XRRA1: variants seen among roughly 807,000 people sequenced by gnomAD.
XRRA1 encodes the protein X-ray radiation resistance associated 1.
A neutral mutation model predicts 80.2 loss-of-function variants in XRRA1; 69 were observed. The observed-to-expected ratio is 0.86, with a 90% CI of 0.71 to 1.05. XRRA1 has a LOEUF of 1.05. Among genes scored for constraint, XRRA1 ranks in the 50% least tolerant of loss-of-function variants. The pLI, the probability that XRRA1 is intolerant of heterozygous loss-of-function variation, is 0.00. For synonymous variants in XRRA1, 348 were observed against 389.9 expected (o/e 0.89, Z 1.27); for missense variants, 967 against 976.4 (o/e 0.99, Z 0.13).
intron 10 of XRRA1, among the ~76,000 whole-genome samples, chr11:74,875,011 G>A (rs2045734752): frequency 1.3e-5 from 2 of 152,198 alleles, no homozygotes; most frequent in African/African-American, 4.8e-5. Flanking sequence ...TTAAGCAAGG[G>A]AAAGGTAGCT....
At chr11:74,885,474 A>G (rs991124173) in intron 10 of XRRA1, among the ~76,000 whole-genome samples, 4 of 152,210 alleles carry the variant, frequency 2.6e-5, no homozygotes, top group Non-Finnish European at 5.9e-5. Flanking sequence ...CCTAGAAGAA[A>G]TGGATAAATC....
chr11:74,938,328 T>C (rs1945521694), intron 3 of XRRA1, among the ~76,000 whole-genome samples: 1 of 152,214 alleles, frequency 6.6e-6, no homozygotes, highest in Admixed American at 6.5e-5. Context: ...TGCCCCCATC[T>C]GGGGCATGAA....
Position 74,863,240 on chromosome 11 carries a change from A to C in XRRA1, c.1004-219T>G, listed in dbSNP as rs1031418261. The C allele has an allele frequency of 1.5e-4, 90 of 583,562 alleles. No homozygotes were observed. In the African/African-American group the frequency reaches 1.7e-3, roughly 11 times the overall value. 36.1% of individuals were successfully genotyped at this position (583,562 alleles called of 1,614,324 possible). A position where few individuals can be genotyped will look rare whatever the true frequency, so the allele number is the denominator to read the frequency against. On this transcript the variant is annotated intron_variant, in intron 10 of 18. Coordinates refer to ENST00000684022, the MANE Select transcript of XRRA1 (RefSeq NM_001378157.1). ...ACTTAGGATAAAATACAAACTGCTT[A>C]TCTAGTCCTCTGATGTCCTGCATGA...
At chr11:74,915,384 A>G (rs1332668976) in intron 8 of XRRA1, among the ~76,000 whole-genome samples, 2 of 152,172 alleles carry the variant, frequency 1.3e-5, no homozygotes, top group Non-Finnish European at 2.9e-5. Flanking sequence ...GAGACTCTCA[A>G]TGGTCAGGAA....
At position 74,948,936 on chromosome 11, in the gene XRRA1, G is replaced by A. The variant is rs1218110705; in HGVS notation, c.-81C>T. The A allele has an allele frequency of 1.0e-5, 2 of 193,426 alleles. No homozygotes were observed. The highest frequency in any genetic ancestry group is 2.1e-5 in the Non-Finnish European group (2 of 93,250). The allele number at this position is 193,426 out of a possible 1,614,324, so 12.0% of individuals were successfully genotyped here. ...CTAAGTTTCAGTCGCACCTGCCTCC[G>A]GCGTCGCTTCAGCCTCCGAGGGGTC... On this transcript the variant is annotated 5_prime_UTR_variant, in exon 1 of 19. Transcript: ENST00000684022.
chr11:74,844,062 G>A (rs2037277251), intron 17 of XRRA1, 103 bp from the exon 18 acceptor site: 23 of 1,458,158 alleles, frequency 1.6e-5, no homozygotes, highest in South Asian at 5.9e-5. Flanking sequence ...GCATCTGGGG[G>A]TGCTGGGAAA....
chr11:74,904,795 T>A (rs1296517184), intron 10 of XRRA1, among the ~76,000 whole-genome samples: 4 of 151,612 alleles, frequency 2.6e-5, no homozygotes, highest in African/African-American at 9.7e-5. Context: ...ACCAAAATTA[T>A]TTATCTACCT....
intron 12 of XRRA1, among the ~76,000 whole-genome samples, chr11:74,857,137 T>C (rs908050753): frequency 6.6e-6 from 1 of 152,010 alleles, no homozygotes; most frequent in African/African-American, 2.4e-5. Flanking sequence ...CATGTGGAGA[T>C]AAACTTCTCT....
At chr11:74,916,876 G>C (rs1474354519) in intron 8 of XRRA1, among the ~76,000 whole-genome samples, 1 of 152,170 alleles carries the variant, frequency 6.6e-6, no homozygotes. Context: ...ATGTGTAAAT[G>C]TAAGTTCTTC....
At chr11:74,858,343 A>G (rs74746159) in intron 12 of XRRA1, among the ~76,000 whole-genome samples, 1,945 of 152,356 alleles carry the variant, frequency 0.013, 49 homozygotes, top group African/African-American at 0.044. Flanking sequence ...GGATATCCAC[A>G]TGCAAAAGAA....
At chr11:74,874,817 C>A (rs1439745042) in intron 10 of XRRA1, among the ~76,000 whole-genome samples, 1 of 152,060 alleles carries the variant, frequency 6.6e-6, no homozygotes. Context: ...GGGAAGCTCT[C>A]AGGGAAACTT....
intron 12 of XRRA1, among the ~76,000 whole-genome samples, chr11:74,854,075 A>G (rs2040517505): frequency 6.6e-6 from 1 of 152,220 alleles, no homozygotes; most frequent in Admixed American, 6.5e-5. Context: ...TGGAAGATGA[A>G]GCTATTCACT....
At chr11:74,849,675 G>A (rs1291191603) in intron 14 of XRRA1, among the ~76,000 whole-genome samples, 2 of 152,180 alleles carry the variant, frequency 1.3e-5, no homozygotes, top group Non-Finnish European at 2.9e-5. Context: ...CCCTCCCAAG[G>A]GAGGAATGGG....
chr11:74,841,046 T>C lies in XRRA1; in HGVS notation c.*2154A>G, dbSNP rs2036458357. 6.6e-6 allele frequency: 1 copy of C among 152,112 alleles called. No homozygotes were observed. The highest frequency in any genetic ancestry group is 1.9e-4 in the East Asian group (1 of 5,196). The allele number at this position is 152,112 out of a possible 1,614,324, so 9.4% of individuals were successfully genotyped here. The stretch of plus-strand genomic sequence containing the variant: ...GCTCAGGTAGAGAAAGTCTCCATAG[T>C]ATAAGTAAGTAATATGAATGTGGAA... On this transcript the variant is annotated 3_prime_UTR_variant, in exon 19 of 19. Coordinates refer to ENST00000684022, the MANE Select transcript of XRRA1 (RefSeq NM_001378157.1).
chr11:74,920,655 A>G (rs984829386), intron 8 of XRRA1, among the ~76,000 whole-genome samples: 5 of 152,216 alleles, frequency 3.3e-5, no homozygotes, highest in Non-Finnish European at 5.9e-5. Flanking sequence ...GTTACCAACT[A>G]GCTTTGCAAC....
rs35763136 is a variant in XRRA1, at chr11:74,918,299, A to AGTGTGTGTGTGT, written c.656+2903_656+2914dup. Among the ~76,000 whole-genome samples the AGTGTGTGTGTGT allele has an allele frequency of 9.4e-3, 1,417 of 150,140 alleles. 16 individuals carry two copies. The highest frequency in any genetic ancestry group is 0.03 in the South Asian group (143 of 4,710). ...TTCGTGTGCATTTTCTTCCTTCCTT[A>AGTGTGTGTGTGT]GTGTGTGTGTGTGTGTGTGTGTGTG... On this transcript the variant is annotated intron_variant, in intron 8 of 18. Transcript: ENST00000684022.
rs60520529 is a variant in XRRA1, at chr11:74,930,391, G to GAAA, written c.352-22_352-20dup. 1.3e-5 allele frequency: 16 copies of GAAA among 1,272,038 alleles called. No homozygotes were observed. The highest frequency in any genetic ancestry group is 4.3e-5 in the South Asian group (3 of 69,232). The allele number at this position is 1,272,038 out of a possible 1,614,324, so 78.8% of individuals were successfully genotyped here. A position where few individuals can be genotyped will look rare whatever the true frequency, so the allele number is the denominator to read the frequency against. On this transcript the variant is annotated intron_variant, in intron 5 of 18. Coordinates refer to ENST00000684022, the MANE Select transcript of XRRA1 (RefSeq NM_001378157.1). ...CCTTGGCCTGTAGGAAAGCATTTCA[G>GAAA]AAAAAAAAAAAAATCCACAAGATTA...
intron 10 of XRRA1, among the ~76,000 whole-genome samples, chr11:74,870,834 C>G (rs73496919): frequency 0.13 from 19,727 of 152,202 alleles, 1,457 homozygotes; most frequent in Middle Eastern, 0.27. Flanking sequence ...GAGGAAAATG[C>G]CCTCCAAAAC....
At position 74,882,008 on chromosome 11, in the gene XRRA1, G is replaced by T. The variant is rs1485973186; in HGVS notation, c.1004-18987C>A. On this transcript the variant is annotated intron_variant, in intron 10 of 18. Coordinates refer to ENST00000684022, the MANE Select transcript of XRRA1 (RefSeq NM_001378157.1). Reference sequence around the variant, plus strand: ...GTCTTGGAGTTGCTCTTCTCAAGGAGTATCTTTGTGGCGTTCTCTGTATTT... The same window carrying T: ...GTCTTGGAGTTGCTCTTCTCAAGGATTATCTTTGTGGCGTTCTCTGTATTT... Among the ~76,000 whole-genome samples the T allele has an allele frequency of 5.1e-3, 740 of 144,952 alleles. 2 individuals carry two copies. Among genetic ancestry groups the T allele is most frequent in the African/African-American group, 0.018 (699 of 39,022 alleles).
Sources: gnomAD v4.1 joint callset for allele counts (sites outside exome capture counted in the v4.1 genomes callset) on GRCh38, gnomAD v4.1.1 for gene constraint, MANE v1.5 for transcripts, NCBI Gene and HGNC (gene_info 2026-07-23, HGNC 2026-07-21) for gene names.